Variants in LMO7 observed in about 807,000 individuals in gnomAD.
The protein encoded by LMO7 is LIM domain only protein 7.
A neutral mutation model predicts 206.5 loss-of-function variants in LMO7; 120 were observed. The observed-to-expected ratio is 0.58, with a 90% CI of 0.50 to 0.68. LMO7 has a LOEUF of 0.68. Ranked by LOEUF, LMO7 falls within the 30% of genes least tolerant of loss-of-function variation. The probability of loss-of-function intolerance (pLI) is 0.00; values close to 1 mark genes in which losing one functional copy is unlikely to be tolerated. For missense variants in LMO7, 1,959 were observed against 1,957.9 expected (o/e 1.00, Z -0.01); for synonymous variants, 706 against 681.5 (o/e 1.04, Z -0.56).
At chr13:75,795,476 T>C in intron 5 of LMO7, 45 bp downstream of exon 5, 1 of 1,342,806 alleles carries the variant, frequency 7.4e-7, no homozygotes, top group Non-Finnish European at 1.1e-6. Flanking sequence ...TGGCTTTCAC[T>C]TTCATGTTCT....
At position 75,726,991 on chromosome 13, in the gene LMO7, G is replaced by A. The variant is rs770679504; in HGVS notation, c.141-38G>A. ...AATGCTAACAAAAAACCTGATATTG[G>A]CATCTTGTAATTGCATCTGTTATTT... On this transcript the variant is annotated intron_variant, in intron 2 of 30. Coordinates refer to ENST00000377534, the MANE Select transcript of LMO7 (RefSeq NM_001306080.2). 58 of 1,134,470 alleles carry A rather than the reference G, an allele frequency of 5.1e-5. No individual in the cohort carries two copies. The South Asian group carries it at 6.8e-4, about 13-fold the overall frequency. The allele number at this position is 1,134,470 out of a possible 1,614,324, so 70.3% of individuals were successfully genotyped here.
At chr13:75,655,832 C>T (rs2038018193) in intron 1 of LMO7, among the ~76,000 whole-genome samples, 1 of 151,992 alleles carries the variant, frequency 6.6e-6, no homozygotes, top group African/African-American at 2.4e-5. Flanking sequence ...CTTTCTTTGG[C>T]TGCTGGGCCC....
rs765806848 is a variant in LMO7 at position 75,760,937 on chromosome 13, T to C, written c.216T>C (p.Asn72=). The C allele has an allele frequency of 6.2e-7, 1 of 1,613,384 alleles. No individual in the cohort carries two copies. The highest frequency in any genetic ancestry group is 2.2e-5 in the East Asian group (1 of 44,868). The change falls in exon 4 of 31, where the codon AAT becomes AAC. Residue 72 remains asparagine (N), a synonymous_variant. Transcript: ENST00000377534. ...RLSTPIAGLD[N]INVFLKACEQ... The stretch of plus-strand genomic sequence containing the variant: ...CTTTCCACTTCTTTTCACAGGATAA[T>C]ATAAACGTTTTCTTGAAAGCTTGTG...
rs556560630 is a variant in LMO7, at chr13:75,834,303, G to C, written c.3142G>C (p.Asp1048His). Residue 1048 changes from aspartate to histidine, a missense_variant, in exon 17 of 31, where the codon GAT becomes CAT. Physicochemically the swap from Asp to His is moderately conservative, Grantham distance 81. Transcript: ENST00000377534. ...AINNTKFSYN[D>H]SKEWEEAMAK... Reference sequence around the variant, plus strand: ...TAACAACACCAAGTTTTCATATAACGATTCAAAAGAGTGGGAGGAAGCCAT... The same window carrying C: ...TAACAACACCAAGTTTTCATATAACCATTCAAAAGAGTGGGAGGAAGCCAT... 6.2e-7 allele frequency: 1 copy of C among 1,611,124 alleles called. No individual in the cohort carries two copies. The highest frequency in any genetic ancestry group is 8.5e-7 in the Non-Finnish European group (1 of 1,178,390).
rs56339371 is a variant in LMO7 at position 75,788,036 on chromosome 13, A to G, written c.318-7365A>G. On this transcript the variant is annotated intron_variant, in intron 4 of 30. Transcript: ENST00000377534. ...CAATAGAACTTCATTTAGTGGAACA[A>G]GAAGCCAGTACCTGATATATTCCTA... 7.4e-3 allele frequency among the ~76,000 whole-genome samples: 1,134 copies of G among 152,340 alleles called. 19 individuals are homozygous for G. The highest frequency in any genetic ancestry group is 0.026 in the African/African-American group (1,096 of 41,570).
chr13:75,826,684 G>A (rs951321759), intron 15 of LMO7, among the ~76,000 whole-genome samples: 3 of 152,078 alleles, frequency 2.0e-5, no homozygotes, highest in African/African-American at 2.4e-5. Flanking sequence ...TCAACAATCC[G>A]AATGTGGACT....
intron 3 of LMO7, among the ~76,000 whole-genome samples, chr13:75,732,359 CTTCATTTCA>C (rs202095178): frequency 0.43 from 65,608 of 150,982 alleles, 14,450 homozygotes; most frequent in East Asian, 0.61. Flanking sequence ...TCCCTTCTTG[CTTCATTTCA>C]TTCATTTCAT....
Position 75,621,860 on chromosome 13 carries a change from GC to G in LMO7, c.168del (p.Ser56ArgfsTer5), listed in dbSNP as rs1196308920. The G allele has an allele frequency of 1.9e-6, 3 of 1,587,754 alleles. No individual in the cohort carries two copies. The South Asian group carries it at 3.5e-5, about 19-fold the overall frequency. ...CTGTATCTCAGGGACAGAGTCTGCA[GC>G]AAAAAAGGTAATAATAGTTCCTTGA... On this transcript the variant is annotated frameshift_variant, in exon 1 of 30. Coordinates refer to the LMO7 transcript ENST00000341547. LOFTEE classifies it high-confidence loss of function.
intron 3 of LMO7, among the ~76,000 whole-genome samples, chr13:75,750,257 G>A (rs1170319606): frequency 6.6e-6 from 1 of 151,918 alleles, no homozygotes; most frequent in Non-Finnish European, 1.5e-5. Flanking sequence ...ATAATCTCTG[G>A]GTGACTTATG....
chr13:75,675,863 C>G (rs1453396202), intron 1 of LMO7, among the ~76,000 whole-genome samples: 1 of 151,124 alleles, frequency 6.6e-6, no homozygotes, highest in African/African-American at 2.4e-5. Flanking sequence ...AATGTCTCCT[C>G]CTTGTAAAAC....
Position 75,766,242 on chromosome 13 carries a change from T to TTC in LMO7, c.317+5205_317+5206insCT, listed in dbSNP as rs1360357355. Reference sequence around the variant, plus strand: ...ATACCTGTAGTTCCCTCAGTCTTTTTTTTTTTTTTTTTTTTATGTGAGCTT... The same window carrying TTC: ...ATACCTGTAGTTCCCTCAGTCTTTTTTCTTTTTTTTTTTTTTTATGTGAGCTT... On this transcript the variant is annotated intron_variant, in intron 4 of 30. Transcript: ENST00000377534. Among the ~76,000 whole-genome samples, 136 of 150,656 alleles carry TTC rather than the reference T, an allele frequency of 9.0e-4. 1 individual carries two copies. The highest frequency in any genetic ancestry group is 3.4e-3 in the Middle Eastern group (1 of 292).
rs770277728 is a variant in LMO7, at chr13:75,805,774, C to G, written c.1196+14C>G. 6.2e-7 allele frequency: 1 copy of G among 1,611,124 alleles called. No individual in the cohort carries two copies. Among genetic ancestry groups the G allele is most frequent in the Admixed American group, 1.7e-5 (1 of 59,850 alleles). The stretch of plus-strand genomic sequence containing the variant: ...TCAGGGATTCAGGTTTGTCGTTGTG[C>G]ATGTTTCTGTCACACCAGTGTTCAT... On this transcript the variant is annotated intron_variant, in intron 9 of 30. Transcript: ENST00000377534.
chr13:75,652,245 T>A (rs1379074079), intron 1 of LMO7, among the ~76,000 whole-genome samples: 2 of 152,140 alleles, frequency 1.3e-5, no homozygotes, highest in Non-Finnish European at 2.9e-5. Flanking sequence ...TTCTGGTAGA[T>A]CCTTGTCCAA....
intron 20 of LMO7, among the ~76,000 whole-genome samples, chr13:75,839,113 A>G (rs915727105): frequency 5.9e-5 from 9 of 152,244 alleles, no homozygotes; most frequent in Admixed American, 1.3e-4. Context: ...AAACAGAAGT[A>G]TCTTACCAGC....
intron 26 of LMO7, among the ~76,000 whole-genome samples, chr13:75,846,819 C>T (rs1472718749): frequency 3.3e-5 from 5 of 152,182 alleles, no homozygotes; most frequent in East Asian, 1.9e-4. Flanking sequence ...CGGTGGCTCA[C>T]GCCTGTAATC....
At chr13:75,844,101 A>G (rs1359726993) in intron 25 of LMO7, among the ~76,000 whole-genome samples, 1 of 152,182 alleles carries the variant, frequency 6.6e-6, no homozygotes, top group Non-Finnish European at 1.5e-5. Flanking sequence ...GAAAATAATT[A>G]AAATGCAGAG....
intron 1 of LMO7, among the ~76,000 whole-genome samples, chr13:75,645,403 C>T (rs1690616874): frequency 6.6e-6 from 1 of 152,092 alleles, no homozygotes; most frequent in South Asian, 2.1e-4. Flanking sequence ...AGGTCATTGC[C>T]AGTCTCATTA....
Position 75,746,911 on chromosome 13 carries a change from A to G in LMO7, c.211-14021A>G, listed in dbSNP as rs182636640. 1.2e-3 allele frequency among the ~76,000 whole-genome samples: 189 copies of G among 152,190 alleles called. 1 individual carries two copies. The highest frequency in any genetic ancestry group is 4.4e-3 in the African/African-American group (183 of 41,528). ...TCAAGAAGCCAAAATATTTAAATCC[A>G]TGTAAACTTCAAGTGAAGTTTCTGG... is the stretch of plus-strand genomic sequence containing the variant. On this transcript the variant is annotated intron_variant, in intron 3 of 30. Coordinates refer to ENST00000377534, the MANE Select transcript of LMO7 (RefSeq NM_001306080.2).
intron 2 of LMO7, among the ~76,000 whole-genome samples, chr13:75,629,793 G>A (rs1449488900): frequency 1.3e-5 from 2 of 152,160 alleles, no homozygotes; most frequent in Non-Finnish European, 2.9e-5. Flanking sequence ...ACTTAACTAA[G>A]GTAGTAGAAA....
Sources: gnomAD v4.1 joint callset for allele counts (sites outside exome capture counted in the v4.1 genomes callset) on GRCh38, gnomAD v4.1.1 for gene constraint, MANE v1.5 for transcripts, NCBI Gene and HGNC (gene_info 2026-07-23, HGNC 2026-07-21) for gene names.